The following ELMO2 variants were observed in gnomAD, a reference collection of about 807,000 sequenced individuals.
The protein encoded by ELMO2 is engulfment and cell motility protein 2.
ELMO2 carries 37 observed loss-of-function variants against 96.2 expected under a neutral mutation model. The observed-to-expected ratio is 0.38, with a 90% CI of 0.30 to 0.51. ELMO2 has a LOEUF of 0.51. ELMO2 is among the 20% of genes least tolerant of loss of function. The probability of loss-of-function intolerance (pLI) is 0.88; values close to 1 mark genes in which losing one functional copy is unlikely to be tolerated. For missense variants in ELMO2, 561 were observed against 912.6 expected, an observed-to-expected ratio of 0.61 and a Z score of 4.96; for synonymous variants, 315 against 329.4, an observed-to-expected ratio of 0.96 and a Z score of 0.47.
intron 8 of ELMO2, among the ~76,000 whole-genome samples, chr20:46,386,744 G>T (rs1295908910): frequency 1.3e-5 from 2 of 152,166 alleles, no homozygotes; most frequent in African/African-American, 4.8e-5. Flanking sequence ...CATTTCACTT[G>T]TGTCCAGTGT....
chr20:46,398,176 T>A (rs1391320353), intron 2 of ELMO2, among the ~76,000 whole-genome samples: 1 of 152,148 alleles, frequency 6.6e-6, no homozygotes, highest in Non-Finnish European at 1.5e-5. Context: ...ATGGCTGAAT[T>A]AATGAGAGCA....
At chr20:46,404,996 GACC>G (rs1246055990) in intron 1 of ELMO2, among the ~76,000 whole-genome samples, 1 of 152,048 alleles carries the variant, frequency 6.6e-6, no homozygotes, top group Non-Finnish European at 1.5e-5. Flanking sequence ...GGACATCAGT[GACC>G]ACGATTCACA....
At chr20:46,400,549 G>T (rs771501318) in intron 1 of ELMO2, among the ~76,000 whole-genome samples, 1 of 152,238 alleles carries the variant, frequency 6.6e-6, no homozygotes, top group Non-Finnish European at 1.5e-5. Context: ...TCCATATCCA[G>T]GCCCAGAGGG....
At position 46,371,441 on chromosome 20, in the gene ELMO2, C is replaced by T. The variant is rs1454354899; in HGVS notation, c.1712G>A (p.Arg571Gln). The T allele has an allele frequency of 6.2e-7, 1 of 1,614,114 alleles. No homozygotes were observed. Among genetic ancestry groups the T allele is most frequent in the Admixed American group, 1.7e-5 (1 of 60,012 alleles). ...AAGGACCTTGTGGTTCAGTGCCAAC[C>T]GGCAGTACCAGAACCGTTCTGGAAC... ...RRRQERFWYC[R>Q]LALNHKVLHY... is the part of the protein sequence containing the mutation. The change falls in exon 19 of 22, where the codon CGG becomes CAG. Residue 571 changes from arginine (R) to glutamine (Q), a missense_variant. Physicochemically the swap from Arg to Gln is conservative, Grantham distance 43. Transcript: ENST00000290246. This position sits in a 1 kb window ranked among gnomAD's most constrained non-coding sequence, Gnocchi z 5.9.
At chr20:46,399,366 T>G (rs1323042059) in intron 1 of ELMO2, among the ~76,000 whole-genome samples, 2 of 152,226 alleles carry the variant, frequency 1.3e-5, no homozygotes, top group Admixed American at 1.3e-4. Context: ...GGGCTATTTC[T>G]ATAAGGCAGG....
chr20:46,379,209 G>C (rs913541367), intron 11 of ELMO2, among the ~76,000 whole-genome samples: 3 of 151,972 alleles, frequency 2.0e-5, no homozygotes, highest in Admixed American at 1.3e-4. Flanking sequence ...GGTCAGGCTG[G>C]TCTCGAACTC....
intron 16 of ELMO2, chr20:46,372,940 C>T (rs1408413421): frequency 6.5e-6 from 1 of 153,038 alleles, no homozygotes; most frequent in East Asian, 1.9e-4. Context: ...CTTTTGAGGG[C>T]CTGGCACAAC....
At chr20:46,373,600 C>T in intron 15 of ELMO2, 65 bp from the exon 16 acceptor site, 1 of 1,580,622 alleles carries the variant, frequency 6.3e-7, no homozygotes, top group Non-Finnish European at 8.6e-7. Flanking sequence ...GAGCTCATGT[C>T]TGGAAACTTT....
intron 10 of ELMO2, among the ~76,000 whole-genome samples, chr20:46,381,232 TG>T (rs1464441309): frequency 6.6e-6 from 1 of 152,228 alleles, no homozygotes; most frequent in East Asian, 1.9e-4. Flanking sequence ...TTAATTTTTC[TG>T]ACAGCTTTTC....
intron 6 of ELMO2, among the ~76,000 whole-genome samples, chr20:46,390,352 A>G (rs940306612): frequency 4.6e-5 from 7 of 152,192 alleles, no homozygotes; most frequent in African/African-American, 1.4e-4. Context: ...TTTTAATCCT[A>G]AAATGTGAAA....
At chr20:46,398,261 T>C (rs1321411922) in intron 2 of ELMO2, among the ~76,000 whole-genome samples, 1 of 152,210 alleles carries the variant, frequency 6.6e-6, no homozygotes, top group Admixed American at 6.5e-5. Flanking sequence ...GGTAACTTCA[T>C]AGTAATCATA....
In ELMO2 at chr20:46,371,321, C is replaced by T. The variant is rs772147968; in HGVS notation, c.1801+31G>A. 12 of 1,607,168 alleles carry T rather than the reference C, an allele frequency of 7.5e-6. No individual in the cohort carries two copies. The South Asian group carries it at 1.3e-4, about 18-fold the overall frequency. On this transcript the variant is annotated intron_variant, in intron 19 of 21. Transcript: ENST00000290246. The surrounding 1 kb of genome is among the most constrained non-coding windows in gnomAD (Gnocchi z 5.9). The stretch of plus-strand genomic sequence containing the variant: ...TCCTGTCTCCTGACAAGTCCAGCAA[C>T]CATGACACATCAACAGAGAAATGAA...
intron 8 of ELMO2, 118 bp downstream of exon 8, chr20:46,387,219 TG>T: frequency 2.6e-6 from 2 of 763,496 alleles, no homozygotes; most frequent in Non-Finnish European, 4.3e-6. Context: ...ATGAAAAATC[TG>T]GCCCCAGGGA....
intron 1 of ELMO2, among the ~76,000 whole-genome samples, chr20:46,403,560 C>T (rs1210478327): frequency 6.6e-6 from 1 of 152,202 alleles, no homozygotes; most frequent in Admixed American, 6.5e-5. Context: ...CATCATGCAG[C>T]TTGGCCAAGA....
chr20:46,368,857 G>A (rs770437271), intron 21 of ELMO2, 34 bp downstream of exon 21: 3 of 1,609,166 alleles, frequency 1.9e-6, no homozygotes, highest in Admixed American at 3.3e-5. Context: ...TACAGAAATA[G>A]CTCTGTTGTC....
At chr20:46,367,869 A>G (rs2145746778) in intron 21 of ELMO2, among the ~76,000 whole-genome samples, 1 of 152,384 alleles carries the variant, frequency 6.6e-6, no homozygotes, top group African/African-American at 2.4e-5. Flanking sequence ...GAAGTTACCC[A>G]AAATCAGAAG....
chr20:46,373,557 GAGA>G (rs2059777652), intron 15 of ELMO2, 22 bp from the exon 16 acceptor site: 3 of 1,612,990 alleles, frequency 1.9e-6, no homozygotes, highest in African/African-American at 1.3e-5. Context: ...AAAAAACAGG[GAGA>G]AGATGAAGCC....
chr20:46,376,930 T>TG lies in ELMO2; in HGVS notation c.808-1141_808-1140insC. 5.6e-6 allele frequency: 4 copies of TG among 714,490 alleles called. No homozygotes were observed. The South Asian group carries it at 7.1e-5, about 13-fold the overall frequency. 44.3% of individuals were successfully genotyped at this position (714,490 alleles called of 1,614,324 possible). A position where few individuals can be genotyped will look rare whatever the true frequency, so the allele number is the denominator to read the frequency against. The stretch of plus-strand genomic sequence containing the variant: ...GTTCCTTAGTTGCACCAGCCACATT[T>TG]TAAGTGCTTAGTAGTCACCGTGGCT... On this transcript the variant is annotated intron_variant, in intron 11 of 21. Coordinates refer to ENST00000290246, the MANE Select transcript of ELMO2 (RefSeq NM_133171.5).
At chr20:46,382,309 G>T in intron 10 of ELMO2, 3 of 1,275,320 alleles carry the variant, frequency 2.4e-6, no homozygotes, top group Non-Finnish European at 2.0e-6. Context: ...ATTCAAACAA[G>T]GACCGGGAAG....
Sources: allele counts gnomAD v4.1 joint callset (sites outside exome capture counted in the v4.1 genomes callset), GRCh38; gene constraint gnomAD v4.1.1; non-coding constraint Gnocchi (gnomAD v3.1); transcripts MANE v1.5; gene names NCBI Gene and HGNC (gene_info 2026-07-23, HGNC 2026-07-21).